SENP7: variants seen among roughly 807,000 people sequenced by gnomAD.
The protein encoded by SENP7 is SUMO specific peptidase 7.
In SENP7, 64 loss-of-function variants were observed where a neutral mutation model predicts 141.2. That is an observed-to-expected ratio of 0.45 (90% CI 0.37 to 0.56). SENP7 has a LOEUF of 0.56. SENP7 is among the 20% of genes least tolerant of loss of function. The probability of loss-of-function intolerance (pLI) is 0.00; values close to 1 mark genes in which losing one functional copy is unlikely to be tolerated. For missense variants in SENP7, 1,025 were observed against 1,212.2 expected, an observed-to-expected ratio of 0.85 and a Z score of 2.29; for synonymous variants, 382 against 426.4, an observed-to-expected ratio of 0.90 and a Z score of 1.28.
chr3:101,341,337 T>C (rs1275295253), intron 15 of SENP7, among the ~76,000 whole-genome samples: 1 of 152,208 alleles, frequency 6.6e-6, no homozygotes, highest in Non-Finnish European at 1.5e-5. Flanking sequence ...TATGTTCAGA[T>C]AAGGAATGTA....
intron 11 of SENP7, among the ~76,000 whole-genome samples, chr3:101,360,898 A>C (rs1433058977): frequency 6.6e-6 from 1 of 152,098 alleles, no homozygotes; most frequent in Non-Finnish European, 1.5e-5. Flanking sequence ...AAAAGGTCAA[A>C]ATGGTAAGAA....
intron 20 of SENP7, among the ~76,000 whole-genome samples, chr3:101,329,378 G>A (rs530363731): frequency 9.9e-5 from 15 of 152,110 alleles, no homozygotes; most frequent in Non-Finnish European, 1.8e-4. Context: ...CTATTTTGCC[G>A]CCGTGACAGC....
intron 11 of SENP7, among the ~76,000 whole-genome samples, chr3:101,353,138 C>A (rs2059654207): frequency 1.3e-5 from 2 of 151,962 alleles, no homozygotes; most frequent in Admixed American, 1.3e-4. Context: ...TTGTTACTTT[C>A]ATATAACTGC....
chr3:101,502,066 G>A (rs956220063), intron 1 of SENP7, among the ~76,000 whole-genome samples: 2 of 152,162 alleles, frequency 1.3e-5, no homozygotes, highest in African/African-American at 4.8e-5. Context: ...CCTTTGGGTA[G>A]GCAAAGATTT....
intron 5 of SENP7, among the ~76,000 whole-genome samples, chr3:101,416,744 A>G (rs1388914933): frequency 2.6e-5 from 4 of 152,214 alleles, no homozygotes; most frequent in Non-Finnish European, 5.9e-5. Flanking sequence ...TTTTGACAAG[A>G]ATTCTACTTT....
At chr3:101,328,332 T>C (rs1171851992) in intron 22 of SENP7, 146 bp downstream of exon 22, 1 of 572,022 alleles carries the variant, frequency 1.7e-6, no homozygotes, top group South Asian at 2.9e-5. Flanking sequence ...ATAGAAGATA[T>C]TTATTATTGA....
At chr3:101,386,015 C>T (rs1034357225) in intron 6 of SENP7, among the ~76,000 whole-genome samples, 4 of 151,988 alleles carry the variant, frequency 2.6e-5, no homozygotes, top group South Asian at 2.1e-4. Context: ...TCTTAAAGAA[C>T]GTCAGTGAAC....
chr3:101,371,696 T>C (rs2060185409), intron 7 of SENP7, among the ~76,000 whole-genome samples: 1 of 152,072 alleles, frequency 6.6e-6, no homozygotes, highest in South Asian at 2.1e-4. Flanking sequence ...CAGTTAGCAG[T>C]AACATTAATA....
chr3:101,410,171 A>C (rs2061414753), intron 5 of SENP7, among the ~76,000 whole-genome samples: 1 of 152,208 alleles, frequency 6.6e-6, no homozygotes, highest in South Asian at 2.1e-4. Flanking sequence ...ATGGCCAAAA[A>C]ACATATGAAA....
chr3:101,372,361 T>C (rs1161274934), intron 6 of SENP7, among the ~76,000 whole-genome samples: 1 of 152,146 alleles, frequency 6.6e-6, no homozygotes, highest in Non-Finnish European at 1.5e-5. Flanking sequence ...GATATCAACA[T>C]TGGAGGATTG....
intron 3 of SENP7, among the ~76,000 whole-genome samples, chr3:101,476,117 A>C (rs372275036): frequency 6.6e-6 from 1 of 152,102 alleles, no homozygotes; most frequent in African/African-American, 2.4e-5. Context: ...TATTATTATT[A>C]TTCTTTAAGT....
chr3:101,380,149 G>A (rs2060455164), intron 6 of SENP7, among the ~76,000 whole-genome samples: 1 of 152,126 alleles, frequency 6.6e-6, no homozygotes, highest in Non-Finnish European at 1.5e-5. Context: ...AAGTAGAATG[G>A]TGGCTGTCAG....
intron 6 of SENP7, among the ~76,000 whole-genome samples, chr3:101,373,579 C>T (rs2060237911): frequency 6.6e-6 from 1 of 152,074 alleles, no homozygotes; most frequent in Non-Finnish European, 1.5e-5. Flanking sequence ...AATAAGATTT[C>T]ACATGTAAAT....
In SENP7 at chr3:101,399,043, A is replaced by T; in HGVS notation, c.495T>A (p.Val165=). The T allele has an allele frequency of 6.2e-7, 1 of 1,610,052 alleles. No individual in the cohort carries two copies. Among genetic ancestry groups the T allele is most frequent in the Admixed American group, 1.7e-5 (1 of 59,594 alleles). Residue 165 remains valine, a synonymous_variant, in exon 6 of 24, where the codon GTT becomes GTA. Coordinates refer to ENST00000394095, the MANE Select transcript of SENP7 (RefSeq NM_020654.5). ...SLNLSERIPR[V]ILTNVLGTEL... ...CCGTTCCCAGGACATTCGTCAATATAACTCTGGGTATCCTGTCACATAGAA... is the reference window on the plus strand; with the variant it reads ...CCGTTCCCAGGACATTCGTCAATATTACTCTGGGTATCCTGTCACATAGAA...
At chr3:101,437,574 T>C (rs1411823142) in intron 4 of SENP7, among the ~76,000 whole-genome samples, 3 of 152,134 alleles carry the variant, frequency 2.0e-5, no homozygotes, top group Non-Finnish European at 2.9e-5. Context: ...TAGCTAGGCA[T>C]GGTGGCATGT....
chr3:101,341,007 T>C (rs1028695132), intron 15 of SENP7, among the ~76,000 whole-genome samples: 3 of 152,228 alleles, frequency 2.0e-5, no homozygotes, highest in Admixed American at 6.5e-5. Flanking sequence ...GTCATCCACA[T>C]TGATTTAATC....
At chr3:101,386,505 C>A (rs2060655331) in intron 6 of SENP7, among the ~76,000 whole-genome samples, 1 of 152,168 alleles carries the variant, frequency 6.6e-6, no homozygotes, top group African/African-American at 2.4e-5. Context: ...AGCCTAGTTA[C>A]CAACAGACGA....
rs59131372 is a variant in SENP7 at position 101,356,780 on chromosome 3, A to G, written c.1623+4935T>C. On this transcript the variant is annotated intron_variant, in intron 11 of 23. Coordinates refer to ENST00000394095, the MANE Select transcript of SENP7 (RefSeq NM_020654.5). Reference sequence around the variant, plus strand: ...CATTTGCAGGACTCTTCTCCAATATAAATTCCCTGATGCTGAAAAAAGCTT... The same window carrying G: ...CATTTGCAGGACTCTTCTCCAATATGAATTCCCTGATGCTGAAAAAAGCTT... Among the ~76,000 whole-genome samples, 1,490 of 152,266 alleles carry G rather than the reference A, an allele frequency of 9.8e-3. 28 individuals are homozygous for G. Among genetic ancestry groups the G allele is most frequent in the African/African-American group, 0.034 (1,408 of 41,550 alleles).
chr3:101,365,508 T>C (rs1271691637), intron 9 of SENP7, among the ~76,000 whole-genome samples: 1 of 150,986 alleles, frequency 6.6e-6, no homozygotes, highest in African/African-American at 2.4e-5. Flanking sequence ...TGGTGGTACA[T>C]GCCTATAATC....
Sources: gnomAD v4.1 joint callset for allele counts (sites outside exome capture counted in the v4.1 genomes callset) on GRCh38, gnomAD v4.1.1 for gene constraint, MANE v1.5 for transcripts, NCBI Gene and HGNC (gene_info 2026-07-23, HGNC 2026-07-21) for gene names.